Variants in MACF1 observed in about 807,000 individuals in gnomAD.
The protein encoded by MACF1 is microtubule actin crosslinking factor 1.
Under a neutral mutation model 854.8 loss-of-function variants are expected in MACF1, and 193 were observed. The ratio of observed to expected loss-of-function variants is 0.23; its 90% CI spans 0.20 to 0.25. The LOEUF is 0.25. Ranked by LOEUF, MACF1 falls within the 10% of genes least tolerant of loss-of-function variation. The pLI, the probability that MACF1 is intolerant of heterozygous loss-of-function variation, is 1.00. For synonymous variants in MACF1, 3,185 were observed against 3,226.7 expected (o/e 0.99, Z 0.44); for missense variants, 7,722 against 8,929.1 (o/e 0.86, Z 5.45).
intron 6 of MACF1, chr1:39,269,696 C>T (rs1230502914): frequency 3.1e-6 from 4 of 1,289,754 alleles, no homozygotes; most frequent in Non-Finnish European, 3.0e-6. Flanking sequence ...AGGCAAGCCA[C>T]ACCCCATCAT....
intron 23 of MACF1, chr1:39,304,673 C>T (rs1293658752): frequency 6.9e-6 from 3 of 436,544 alleles, no homozygotes; most frequent in Non-Finnish European, 1.3e-5. Flanking sequence ...ACGCCATTCT[C>T]CTGCCTCAGC....
intron 2 of MACF1, among the ~76,000 whole-genome samples, chr1:39,104,140 T>G (rs1557455272): frequency 6.6e-6 from 1 of 152,204 alleles, no homozygotes; most frequent in East Asian, 1.9e-4. Context: ...GTGTAACTTC[T>G]TACCCACAAC....
At chr1:39,236,026 C>T (rs905199299) in intron 2 of MACF1, among the ~76,000 whole-genome samples, 4 of 152,188 alleles carry the variant, frequency 2.6e-5, no homozygotes, top group Non-Finnish European at 5.9e-5. Flanking sequence ...GCATGAGCCA[C>T]CATGCCTAGT....
intron 2 of MACF1, chr1:39,102,825 T>G (rs761237090): frequency 2.8e-6 from 2 of 702,580 alleles, no homozygotes; most frequent in Non-Finnish European, 5.2e-6. Context: ...TCAGAGCTTT[T>G]GCGACTGTGT....
At chr1:39,269,229 T>A in intron 6 of MACF1, 2 of 1,289,904 alleles carry the variant, frequency 1.6e-6, no homozygotes, top group Non-Finnish European at 2.0e-6. Context: ...CAGGGCTGTG[T>A]TGCTGCCTTT....
chr1:39,467,381 A>G (rs1311293758), intron 95 of MACF1, among the ~76,000 whole-genome samples: 1 of 152,144 alleles, frequency 6.6e-6, no homozygotes, highest in Non-Finnish European at 1.5e-5. Context: ...AAGAAAAAGA[A>G]AAAGAAAATC....
At chr1:39,453,929 G>A in intron 88 of MACF1, 79 bp downstream of exon 88, 1 of 1,481,308 alleles carries the variant, frequency 6.8e-7, no homozygotes, top group East Asian at 2.3e-5. Flanking sequence ...TTTCCCCCAG[G>A]TAAGGAATCT....
intron 2 of MACF1, among the ~76,000 whole-genome samples, chr1:39,110,545 A>G (rs1571051984): frequency 6.6e-6 from 1 of 152,086 alleles, no homozygotes; most frequent in African/African-American, 2.4e-5. Flanking sequence ...GCCTACACTC[A>G]GTTTTTAAGT....
chr1:39,364,238 G>C (rs930373890), intron 49 of MACF1, among the ~76,000 whole-genome samples: 24 of 151,782 alleles, frequency 1.6e-4, no homozygotes, highest in African/African-American at 5.3e-4. Flanking sequence ...ATGTGAATGT[G>C]GTTTTAATTT....
At chr1:39,193,735 A>C (rs144849396) in intron 2 of MACF1, among the ~76,000 whole-genome samples, 1 of 152,328 alleles carries the variant, frequency 6.6e-6, no homozygotes, top group Admixed American at 6.5e-5. Context: ...TGAAATCAGA[A>C]TTTGAATATA....
chr1:39,268,650 C>T (rs949557121), intron 6 of MACF1: 1 of 1,218,530 alleles, frequency 8.2e-7, no homozygotes, highest in African/African-American at 1.6e-5. Flanking sequence ...CTGTGGGATC[C>T]CAGGACTGGC....
intron 1 of MACF1, among the ~76,000 whole-genome samples, chr1:39,217,955 G>A (rs896231682): frequency 4.0e-5 from 6 of 151,716 alleles, no homozygotes; most frequent in African/African-American, 1.2e-4. Flanking sequence ...AGGCCGAGGC[G>A]GGCGGATCAC....
chr1:39,366,840 C>T (rs2148529336), intron 49 of MACF1, among the ~76,000 whole-genome samples: 1 of 150,690 alleles, frequency 6.6e-6, no homozygotes, highest in East Asian at 1.9e-4. Context: ...GACAGGGTTT[C>T]ACCACATTGA....
chr1:39,266,783 A>G (rs1407267039), intron 6 of MACF1, among the ~76,000 whole-genome samples: 4 of 151,564 alleles, frequency 2.6e-5, no homozygotes, highest in Non-Finnish European at 5.9e-5. Flanking sequence ...TTCTCCATTC[A>G]CAGCCCTTTG....
intron 97 of MACF1, among the ~76,000 whole-genome samples, chr1:39,478,834 C>T (rs1644960256): frequency 6.6e-6 from 1 of 152,150 alleles, no homozygotes; most frequent in Admixed American, 6.5e-5. Context: ...CTCCAGCAGT[C>T]CCATTTGTTT....
rs778134530 is a variant in MACF1, at chr1:39,453,844, C to T, written c.20880C>T (p.Phe6960=). 87 of 1,614,028 alleles carry T rather than the reference C, an allele frequency of 5.4e-5. No individual in the cohort carries two copies. Among genetic ancestry groups the T allele is most frequent in the Non-Finnish European group, 6.2e-5 (73 of 1,180,028 alleles). ...KHWITIIRAR[F]EEVLTWAKQH... ...GGATCACCATCATCCGAGCTCGCTTCGAGGAGGTGAGTCCCTGGTTCAGAG... is the reference window on the plus strand; with the variant it reads ...GGATCACCATCATCCGAGCTCGCTTTGAGGAGGTGAGTCCCTGGTTCAGAG... The change falls in exon 88 of 101, where the codon TTC becomes TTT. Residue 6960 remains phenylalanine (F), a synonymous_variant. Transcript: ENST00000564288.
chr1:39,269,281 G>A (rs1645273509), intron 6 of MACF1: 1 of 1,289,744 alleles, frequency 7.8e-7, no homozygotes, highest in Non-Finnish European at 1.0e-6. Context: ...ATTCAGCGTG[G>A]GTTTCGGAGC....
chr1:39,442,098 A>G, intron 75 of MACF1, 45 bp downstream of exon 75: 1 of 1,594,054 alleles, frequency 6.3e-7, no homozygotes, highest in Non-Finnish European at 8.5e-7. Flanking sequence ...GTTTTATTAT[A>G]GTTTTTAAAG....
At chr1:39,439,629 G>GT (rs1557655601) in intron 72 of MACF1, 129 bp downstream of exon 72, 2 of 713,810 alleles carry the variant, frequency 2.8e-6, no homozygotes, top group East Asian at 2.7e-5. Flanking sequence ...TTTTGTTTTT[G>GT]TTTTTTGCTC....
Sources: allele counts gnomAD v4.1 joint callset (sites outside exome capture counted in the v4.1 genomes callset), GRCh38; gene constraint gnomAD v4.1.1; transcripts MANE v1.5; gene names NCBI Gene and HGNC (gene_info 2026-07-23, HGNC 2026-07-21).